ADGB: variants seen among roughly 807,000 people sequenced by gnomAD.
ADGB encodes calpain-7-like protein.
A neutral mutation model predicts 210.5 loss-of-function variants in ADGB; 172 were observed. The ratio of observed to expected loss-of-function variants is 0.82; its 90% CI spans 0.72 to 0.93. ADGB has a LOEUF of 0.93. ADGB is among the 40% of genes least tolerant of loss of function. The pLI is 0.00. For synonymous variants in ADGB, 658 were observed against 662.7 expected (o/e 0.99, Z 0.11); for missense variants, 2,025 against 1,964.8 (o/e 1.03, Z -0.58).
intron 1 of ADGB, among the ~76,000 whole-genome samples, chr6:146,616,818 G>T (rs530185726): frequency 8.8e-4 from 134 of 151,928 alleles, no homozygotes; most frequent in African/African-American, 3.2e-3. Context: ...TTGTTGTTTT[G>T]CCAGTACCAT....
At chr6:146,604,569 A>C (rs76705604) in intron 1 of ADGB, among the ~76,000 whole-genome samples, 4,253 of 141,172 alleles carry the variant, frequency 0.03, 184 homozygotes, top group African/African-American at 0.11. Flanking sequence ...TAAAAATGAC[A>C]AAAAAAAAAA....
chr6:146,745,333 G>A (rs1309815626), intron 25 of ADGB, among the ~76,000 whole-genome samples: 1 of 152,098 alleles, frequency 6.6e-6, no homozygotes, highest in Admixed American at 6.5e-5. Flanking sequence ...ATCCAATTAT[G>A]TTAAACCAAG....
chr6:146,724,136 C>G, intron 17 of ADGB, 50 bp from the exon 18 acceptor site: 1 of 1,476,644 alleles, frequency 6.8e-7, no homozygotes, highest in Non-Finnish European at 9.1e-7. Flanking sequence ...TAGTGAATGC[C>G]AACTACACTT....
chr6:146,669,442 C>T (rs7775458), intron 7 of ADGB, among the ~76,000 whole-genome samples: 365 of 152,146 alleles, frequency 2.4e-3, no homozygotes, highest in Middle Eastern at 6.8e-3. Flanking sequence ...TGACCTTCCC[C>T]GTCCACCACA....
Position 146,724,353 on chromosome 6 carries a change from T to C in ADGB, c.2237+26T>C, listed in dbSNP as rs574310402. ...GTATGAAGTGGCTTCATTTTTCCCA[T>C]AATAAAAATTGTTTGAAGGCTTGCA... On this transcript the variant is annotated intron_variant, in intron 18 of 35. Coordinates refer to ENST00000397944, the MANE Select transcript of ADGB (RefSeq NM_024694.4). The C allele has an allele frequency of 2.0e-6, 3 of 1,487,904 alleles. No homozygotes were observed. In the East Asian group the frequency reaches 7.6e-5, roughly 38 times the overall value. The allele number at this position is 1,487,904 out of a possible 1,614,324, so 92.2% of individuals were successfully genotyped here. A position where few individuals can be genotyped will look rare whatever the true frequency, so the allele number is the denominator to read the frequency against.
intron 7 of ADGB, among the ~76,000 whole-genome samples, chr6:146,671,488 T>C (rs1347455833): frequency 6.6e-6 from 1 of 152,182 alleles, no homozygotes; most frequent in Non-Finnish European, 1.5e-5. Flanking sequence ...ATGCAGGACA[T>C]TTTTGTTTAC....
At chr6:146,617,031 C>T (rs886188698) in intron 1 of ADGB, among the ~76,000 whole-genome samples, 9 of 151,904 alleles carry the variant, frequency 5.9e-5, no homozygotes, top group Admixed American at 2.6e-4. Context: ...TAGATCACTG[C>T]GCCTAGTATA....
chr6:146,810,746 A>T (rs1381611762), intron 35 of ADGB, among the ~76,000 whole-genome samples: 1 of 152,130 alleles, frequency 6.6e-6, no homozygotes, highest in Non-Finnish European at 1.5e-5. Flanking sequence ...GGAATTGTGA[A>T]AGTTGAACTC....
At chr6:146,738,247 A>G (rs1449090920) in intron 23 of ADGB, among the ~76,000 whole-genome samples, 1 of 152,118 alleles carries the variant, frequency 6.6e-6, no homozygotes, top group Non-Finnish European at 1.5e-5. Flanking sequence ...TTGAATTATT[A>G]CAGAAAAGTA....
intron 35 of ADGB, among the ~76,000 whole-genome samples, chr6:146,811,452 TATATTCAGG>T (rs1778301430): frequency 1.3e-5 from 2 of 151,758 alleles, no homozygotes; most frequent in Admixed American, 6.6e-5. Flanking sequence ...TATATATATA[TATATTCAGG>T]ATATTCAGGT....
intron 9 of ADGB, among the ~76,000 whole-genome samples, chr6:146,681,313 A>G (rs897993813): frequency 3.9e-5 from 6 of 152,084 alleles, no homozygotes; most frequent in African/African-American, 1.4e-4. Flanking sequence ...CATGTGAGAC[A>G]TCTGCTCCCT....
At position 146,631,979 on chromosome 6, in the gene ADGB, C is replaced by CA. The variant is rs1427921651; in HGVS notation, c.75-3388dup. On this transcript the variant is annotated intron_variant, in intron 1 of 35. Transcript: ENST00000397944. ...TCTCCTCATTAAAAAAAAAAAAAAA[C>CA]AAAAAAAACCTTCACTTGGTTTCCA... 7.9e-4 allele frequency among the ~76,000 whole-genome samples: 114 copies of CA among 144,298 alleles called. 1 individual carries two copies. The highest frequency in any genetic ancestry group is 2.6e-3 in the African/African-American group (99 of 37,408). 94.7% of individuals were successfully genotyped at this position (144,298 alleles called of 152,430 possible).
At chr6:146,671,429 G>A (rs1776007538) in intron 7 of ADGB, among the ~76,000 whole-genome samples, 2 of 152,194 alleles carry the variant, frequency 1.3e-5, no homozygotes, top group African/African-American at 4.8e-5. Context: ...TTTAAAGAGA[G>A]AGTCTTGGTC....
At chr6:146,600,824 T>C (rs1391379850) in intron 1 of ADGB, among the ~76,000 whole-genome samples, 2 of 151,918 alleles carry the variant, frequency 1.3e-5, no homozygotes, top group Admixed American at 1.3e-4. Context: ...AGATCATACA[T>C]AGTAGGCACT....
chr6:146,707,576 A>T (rs958463854), intron 13 of ADGB, among the ~76,000 whole-genome samples: 4 of 152,126 alleles, frequency 2.6e-5, no homozygotes, highest in Non-Finnish European at 4.4e-5. Context: ...CACCTTTATC[A>T]TTATGAAATA....
Position 146,716,915 on chromosome 6 carries a change from G to T in ADGB, c.1774G>T (p.Asp592Tyr). The T allele has an allele frequency of 6.4e-7, 1 of 1,550,880 alleles. No homozygotes were observed. Among genetic ancestry groups the T allele is most frequent in the Non-Finnish European group, 8.7e-7 (1 of 1,146,538 alleles). ...TGAACAAACAGACTTTGGATTGGGT[G>T]ATGCTCATCAGAGTGATGGATTAAA... is the stretch of plus-strand genomic sequence containing the variant. ...TDEQTDFGLG[D>Y]AHQSDGLNLE... The change falls in exon 15 of 36, where the codon GAT becomes TAT. Residue 592 changes from aspartate (D) to tyrosine (Y), a missense_variant. Asp to Tyr is a radical substitution (Grantham distance 160). Transcript: ENST00000397944.
intron 35 of ADGB, among the ~76,000 whole-genome samples, chr6:146,807,223 T>A (rs1265651008): frequency 6.6e-6 from 1 of 152,228 alleles, no homozygotes; most frequent in Admixed American, 6.5e-5. Flanking sequence ...ATGAACCCTT[T>A]GTTGCTATGT....
chr6:146,712,595 C>A (rs1366248514), intron 13 of ADGB, among the ~76,000 whole-genome samples: 1 of 152,030 alleles, frequency 6.6e-6, no homozygotes, highest in African/African-American at 2.4e-5. Context: ...GGAGAATTTT[C>A]TTATACCACT....
intron 35 of ADGB, among the ~76,000 whole-genome samples, chr6:146,811,614 T>C (rs980807912): frequency 2.2e-4 from 33 of 152,232 alleles, no homozygotes; most frequent in African/African-American, 7.2e-4. Flanking sequence ...TTTTTGCTAT[T>C]AATTGTTTGA....
Sources: gnomAD v4.1 joint callset for allele counts (sites outside exome capture counted in the v4.1 genomes callset) on GRCh38, gnomAD v4.1.1 for gene constraint, MANE v1.5 for transcripts, NCBI Gene and HGNC (gene_info 2026-07-23, HGNC 2026-07-21) for gene names.